The following POLR2C variants were observed in gnomAD, a reference collection of about 807,000 sequenced individuals.
The protein encoded by POLR2C is DNA-directed RNA polymerase II subunit RPB3.
POLR2C carries 36 observed loss-of-function variants against 41.7 expected under a neutral mutation model. The ratio of observed to expected loss-of-function variants is 0.86; its 90% CI spans 0.66 to 1.14. The LOEUF (loss-of-function observed/expected upper bound fraction) is 1.14, where lower values mean the gene tolerates loss of function less well. Among genes scored for constraint, POLR2C ranks in the 50% most tolerant of loss-of-function variants. The pLI is 0.00. For missense variants in POLR2C, 260 were observed against 350.4 expected (o/e 0.74, Z 2.06); for synonymous variants, 133 against 137.8 (o/e 0.96, Z 0.25).
Position 57,471,745 on chromosome 16 carries a change from G to GGGGGTGGGGGT in POLR2C, c.*631_*641dup, listed in dbSNP as rs1555515565. On this transcript the variant is annotated 3_prime_UTR_variant, in exon 9 of 9. Transcript: ENST00000219252. ...CCTGATCATTTAGTTTGGTGGGGGT[G>GGGGGTGGGGGT]GGGGTGGGGGTGGGGGTGGAAGCAG... The GGGGGTGGGGGT allele has an allele frequency of 2.1e-5, 3 of 141,482 alleles. No homozygotes were observed. The highest frequency in any genetic ancestry group is 7.9e-5 in the African/African-American group (3 of 38,080). 8.8% of individuals were successfully genotyped at this position (141,482 alleles called of 1,614,324 possible). A position where few individuals can be genotyped will look rare whatever the true frequency, so the allele number is the denominator to read the frequency against.
intron 2 of POLR2C, among the ~76,000 whole-genome samples, chr16:57,464,231 AT>A (rs2030650890): frequency 6.6e-6 from 1 of 152,220 alleles, no homozygotes; most frequent in Non-Finnish European, 1.5e-5. Context: ...CTTCAACAGC[AT>A]TTATGGAGCA....
chr16:57,467,843 T>G (rs2030747245), intron 4 of POLR2C, among the ~76,000 whole-genome samples: 1 of 152,218 alleles, frequency 6.6e-6, no homozygotes, highest in Non-Finnish European at 1.5e-5. Flanking sequence ...TTTTTCTGTT[T>G]GTTTGTGGGT....
rs367735426 is a variant in POLR2C, at chr16:57,466,172, C to T, written c.206-3C>T. The stretch of plus-strand genomic sequence containing the variant: ...CTTTAAAGTGCTTTTCTGTTTTTTA[C>T]AGGATTAATTCCCCTCATTAGTGAT... On this transcript the variant is annotated splice_region_variant and splice_polypyrimidine_tract_variant and intron_variant, in intron 3 of 8. Transcript: ENST00000219252. 79 of 1,600,318 alleles carry T rather than the reference C, an allele frequency of 4.9e-5. No homozygotes were observed. The African/African-American group carries it at 9.8e-4, about 20-fold the overall frequency.
chr16:57,465,704 T>G (rs985164250), intron 2 of POLR2C: 4 of 460,512 alleles, frequency 8.7e-6, no homozygotes, highest in Non-Finnish European at 1.5e-5. Context: ...TTCTATGATA[T>G]TCTATAAGTC....
At chr16:57,463,187 G>A (rs2146597574) in intron 2 of POLR2C, 109 bp downstream of exon 2, 4 of 933,742 alleles carry the variant, frequency 4.3e-6, no homozygotes, top group African/African-American at 1.6e-5. Flanking sequence ...GAGGGTGGTA[G>A]TGCTGAGAAA....
chr16:57,463,176 T>A, intron 2 of POLR2C, 98 bp downstream of exon 2: 1 of 1,013,018 alleles, frequency 9.9e-7, no homozygotes, highest in South Asian at 1.3e-5. Context: ...TGGTTCGGGC[T>A]GAGGGTGGTA....
At chr16:57,465,369 C>G (rs1460802294) in intron 2 of POLR2C, among the ~76,000 whole-genome samples, 2 of 152,190 alleles carry the variant, frequency 1.3e-5, no homozygotes, top group East Asian at 1.9e-4. Context: ...GTGTTTAAGT[C>G]AAGCATGTGT....
At chr16:57,464,281 A>C (rs1292871715) in intron 2 of POLR2C, among the ~76,000 whole-genome samples, 3 of 152,220 alleles carry the variant, frequency 2.0e-5, no homozygotes, top group African/African-American at 4.8e-5. Flanking sequence ...TGGGAATGCA[A>C]AGCTGTAGAG....
In POLR2C at chr16:57,471,389, C is replaced by G; in HGVS notation, c.*270C>G. The G allele has an allele frequency of 7.1e-6, 3 of 421,504 alleles. No homozygotes were observed. In the East Asian group the frequency reaches 1.3e-4, roughly 18 times the overall value. The allele number at this position is 421,504 out of a possible 1,614,324, so 26.1% of individuals were successfully genotyped here. ...CCAGAAGGTCCCTGCTGGAGTGTTT[C>G]CAGTGCACCTGTAGGGAACCAACTA... On this transcript the variant is annotated 3_prime_UTR_variant, in exon 9 of 9. Coordinates refer to ENST00000219252, the MANE Select transcript of POLR2C (RefSeq NM_032940.3).
chr16:57,471,067 T>G lies in POLR2C; in HGVS notation c.776T>G (p.Leu259Ter). The change falls in exon 9 of 9, where the codon TTA (leucine) becomes TGA (stop). Residue 259 changes from leucine to a stop codon, truncating the protein, a stop_gained. Coordinates refer to ENST00000219252, the MANE Select transcript of POLR2C (RefSeq NM_032940.3). LOFTEE classifies it high-confidence loss of function. ...GGATTGAAGAAGAAACTGAGTGATT[T>G]ACAAACTCAATTAAGCCACGAGATC... is the stretch of plus-strand genomic sequence containing the variant. ...LSGLKKKLSD[L>*]QTQLSHEIQS... is the part of the protein sequence containing the mutation. 6.2e-7 allele frequency: 1 copy of G among 1,613,620 alleles called. No homozygotes were observed. Among genetic ancestry groups the G allele is most frequent in the Non-Finnish European group, 8.5e-7 (1 of 1,179,520 alleles).
At chr16:57,462,921 TC>T in intron 1 of POLR2C, 107 bp from the exon 2 acceptor site, 2 of 1,243,654 alleles carry the variant, frequency 1.6e-6, no homozygotes, top group African/African-American at 3.2e-5. Flanking sequence ...GCGATGTCCT[TC>T]CAGAGCTGCC....
intron 8 of POLR2C, 57 bp downstream of exon 8, chr16:57,470,411 T>G (rs373146069): frequency 1.5e-5 from 20 of 1,360,644 alleles, no homozygotes; most frequent in Non-Finnish European, 2.0e-5. Flanking sequence ...TGGTTTTGGT[T>G]CAGGCCGTGA....
At chr16:57,466,252 G>T in intron 4 of POLR2C, 25 bp downstream of exon 4, 1 of 1,498,708 alleles carries the variant, frequency 6.7e-7, no homozygotes, top group Non-Finnish European at 9.1e-7. Flanking sequence ...TGGGTGGAAT[G>T]TGAGGTTTGG....
chr16:57,467,905 T>C (rs1368623322), intron 4 of POLR2C, among the ~76,000 whole-genome samples: 1 of 152,220 alleles, frequency 6.6e-6, no homozygotes, highest in African/African-American at 2.4e-5. Flanking sequence ...TTTAGTCTCT[T>C]TTCATCTCAA....
At chr16:57,467,090 G>A (rs898441168) in intron 4 of POLR2C, among the ~76,000 whole-genome samples, 1 of 151,998 alleles carries the variant, frequency 6.6e-6, no homozygotes, top group African/African-American at 2.4e-5. Flanking sequence ...AATATTAGCC[G>A]AGCGTGGTCC....
chr16:57,468,171 C>T (rs2030752133), intron 4 of POLR2C, among the ~76,000 whole-genome samples: 1 of 152,050 alleles, frequency 6.6e-6, no homozygotes, highest in Non-Finnish European at 1.5e-5. Context: ...ACCACCACAC[C>T]CAAAAAATAC....
In POLR2C at chr16:57,469,526, T is replaced by C; in HGVS notation, c.388-184T>C. On this transcript the variant is annotated intron_variant, in intron 5 of 8. Transcript: ENST00000219252. The surrounding 1 kb of genome is among the most constrained non-coding windows in gnomAD (Gnocchi z 5.8). ...CTCTTTTAAAGGCCATGGAATTGTT[T>C]TGCCTGAGGCTACCACCACACCCTG... 1 of 731,734 alleles carries C rather than the reference T, an allele frequency of 1.4e-6. No individual in the cohort carries two copies. Among genetic ancestry groups the C allele is most frequent in the East Asian group, 2.7e-5 (1 of 37,222 alleles). The allele number at this position is 731,734 out of a possible 1,614,324, so 45.3% of individuals were successfully genotyped here.
At chr16:57,462,981 C>T (rs1443073409) in intron 1 of POLR2C, 48 bp from the exon 2 acceptor site, 18 of 1,557,580 alleles carry the variant, frequency 1.2e-5, no homozygotes, top group Non-Finnish European at 1.5e-5. Flanking sequence ...CGGGCCCAGC[C>T]TGTCGAGGCT....
In POLR2C at chr16:57,469,628, T is replaced by A; in HGVS notation, c.388-82T>A. On this transcript the variant is annotated intron_variant, in intron 5 of 8. Coordinates refer to ENST00000219252, the MANE Select transcript of POLR2C (RefSeq NM_032940.3). The surrounding 1 kb of genome is among the most constrained non-coding windows in gnomAD (Gnocchi z 5.8). ...TCGTTCCCTGGTTGACAGATTGCAG[T>A]CTAGAGGTGCTGGGATATGGATGCC... The A allele has an allele frequency of 8.5e-7, 1 of 1,177,758 alleles. No homozygotes were observed. Among genetic ancestry groups the A allele is most frequent in the African/African-American group, 1.5e-5 (1 of 65,806 alleles). 73.0% of individuals were successfully genotyped at this position (1,177,758 alleles called of 1,614,324 possible).
Sources: gnomAD v4.1 joint callset for allele counts (sites outside exome capture counted in the v4.1 genomes callset) on GRCh38, gnomAD v4.1.1 for gene constraint, Gnocchi (gnomAD v3.1) non-coding constraint, MANE v1.5 for transcripts, NCBI Gene and HGNC (gene_info 2026-07-23, HGNC 2026-07-21) for gene names.